The following NCR3LG1 variants were observed in gnomAD, a reference collection of about 807,000 sequenced individuals.
NCR3LG1 encodes the protein natural killer cell cytotoxicity receptor 3 ligand 1.
Under a neutral mutation model 34.8 loss-of-function variants are expected in NCR3LG1, and 35 were observed. The observed-to-expected ratio is 1.01, with a 90% CI of 0.77 to 1.33. NCR3LG1 has a LOEUF of 1.33. NCR3LG1 is among the 40% of genes most tolerant of loss of function. The pLI is 0.00. For missense variants in NCR3LG1, 452 were observed against 423.3 expected (o/e 1.07, Z -0.60); for synonymous variants, 173 against 163.6 (o/e 1.06, Z -0.44).
intron 2 of NCR3LG1, among the ~76,000 whole-genome samples, chr11:17,365,465 C>T (rs1161026730): frequency 6.6e-6 from 1 of 152,282 alleles, no homozygotes; most frequent in South Asian, 2.1e-4. Flanking sequence ...AGCCTCTGGA[C>T]TGTGGCCTTC....
chr11:17,354,545 CTTTTTTTTT>C (rs71047545), intron 1 of NCR3LG1, among the ~76,000 whole-genome samples: 8 of 70,336 alleles, frequency 1.1e-4, no homozygotes, highest in South Asian at 5.5e-4. Context: ...AATTCTTCTT[CTTTTTTTTT>C]TTTTTTTTTT....
chr11:17,380,584 C>G (rs1953508377), downstream of NCR3LG1: 1 of 152,162 alleles, frequency 6.6e-6, no homozygotes, highest in African/African-American at 2.4e-5. Flanking sequence ...CTCCTGGGCT[C>G]AAGCGATACT....
chr11:17,367,962 G>T (rs1165269338), intron 3 of NCR3LG1, among the ~76,000 whole-genome samples: 3 of 152,074 alleles, frequency 2.0e-5, no homozygotes, highest in African/African-American at 7.2e-5. Context: ...GGGACTACAG[G>T]CATGCACCAC....
In NCR3LG1 at chr11:17,372,387, T is replaced by G; in HGVS notation, c.1240T>G (p.Ser414Ala). Residue 414 changes from serine (S) to alanine (A), a missense_variant, in exon 5 of 5, where the codon TCG (serine) becomes GCG (alanine). By Grantham distance (99) the Ser-to-Ala change is moderately conservative (BLOSUM62 1). Transcript: ENST00000338965. ...TGAGAAACAAACCCCTAGGGAACAC[T>G]CGGATGCAGTTCCGGATGCCCCAAT... ...KSEKQTPREHSDAVPDAPILP... is the reference protein window; with the variant it reads ...KSEKQTPREHADAVPDAPILP... 1 of 703,126 alleles carries G rather than the reference T, an allele frequency of 1.4e-6. No individual in the cohort carries two copies. The highest frequency in any genetic ancestry group is 2.7e-5 in the East Asian group (1 of 37,286). The allele number at this position is 703,126 out of a possible 1,614,324, so 43.6% of individuals were successfully genotyped here.
chr11:17,370,252 CACTTCA>C (rs1415388272), intron 4 of NCR3LG1, among the ~76,000 whole-genome samples: 1 of 152,188 alleles, frequency 6.6e-6, no homozygotes, highest in Non-Finnish European at 1.5e-5. Context: ...ATTAAACTTT[CACTTCA>C]ACTTCATCTT....
Position 17,377,151 on chromosome 11 carries a change from T to C in NCR3LG1, c.*4639T>C, listed in dbSNP as rs1306258585. 2 of 152,060 alleles carry C rather than the reference T, an allele frequency of 1.3e-5. No individual in the cohort carries two copies. Among genetic ancestry groups the C allele is most frequent in the East Asian group, 3.9e-4 (2 of 5,188 alleles). 9.4% of individuals were successfully genotyped at this position (152,060 alleles called of 1,614,324 possible). ...CACAAGGGGGCATTATCTGAGATAT[T>C]GGCCAGGGCATATCGTGTCCCTGGT... On this transcript the variant is annotated 3_prime_UTR_variant, in exon 5 of 5. Coordinates refer to ENST00000338965, the MANE Select transcript of NCR3LG1 (RefSeq NM_001202439.3).
intron 2 of NCR3LG1, among the ~76,000 whole-genome samples, chr11:17,364,137 C>T (rs1299368731): frequency 6.6e-6 from 1 of 151,976 alleles, no homozygotes; most frequent in Non-Finnish European, 1.5e-5. Flanking sequence ...CAGTTCTTGG[C>T]TATTCTGGGG....
chr11:17,353,116 G>A (rs542620561), intron 1 of NCR3LG1, among the ~76,000 whole-genome samples: 29 of 152,304 alleles, frequency 1.9e-4, no homozygotes, highest in Admixed American at 1.8e-3. Context: ...GCTGCTTGCC[G>A]AGCAGCGTGA....
rs1316829474 is a variant in NCR3LG1 at position 17,377,100 on chromosome 11, G to GAGAC, written c.*4589_*4592dup. On this transcript the variant is annotated 3_prime_UTR_variant, in exon 5 of 5. Coordinates refer to ENST00000338965, the MANE Select transcript of NCR3LG1 (RefSeq NM_001202439.3). ...ACAAATCTGTGGGTGAACAGAACAG[G>GAGAC]AGACTTCTGGACTGACAGCCCCTGT... 6.6e-6 allele frequency: 1 copy of GAGAC among 152,130 alleles called. No homozygotes were observed. Among genetic ancestry groups the GAGAC allele is most frequent in the East Asian group, 1.9e-4 (1 of 5,188 alleles). 9.4% of individuals were successfully genotyped at this position (152,130 alleles called of 1,614,324 possible).
chr11:17,352,138 T>G, intron 1 of NCR3LG1, 99 bp downstream of exon 1: 4 of 619,580 alleles, frequency 6.5e-6, no homozygotes, highest in Non-Finnish European at 7.8e-6. Context: ...CTCAACTTCC[T>G]GGGGGCTGAG....
At chr11:17,381,251 A>G (rs1953511757), downstream of NCR3LG1, 1 of 152,302 alleles carries the variant, frequency 6.6e-6, no homozygotes, top group Non-Finnish European at 1.5e-5. Context: ...AAGGATTAGA[A>G]TGAGGGAAGT....
chr11:17,367,826 T>TTGAGATGGAG (rs1953363231), intron 3 of NCR3LG1, among the ~76,000 whole-genome samples: 1 of 151,480 alleles, frequency 6.6e-6, no homozygotes, highest in African/African-American at 2.4e-5. Context: ...CTTGTCTTTT[T>TTGAGATGGAG]TTTTTTTTTG....
chr11:17,375,147 TAACA>T lies in NCR3LG1; in HGVS notation c.*2636_*2639del, dbSNP rs1363510479. The T allele has an allele frequency of 2.6e-5, 4 of 152,216 alleles. No homozygotes were observed. Among genetic ancestry groups the T allele is most frequent in the African/African-American group, 9.7e-5 (4 of 41,444 alleles). 9.4% of individuals were successfully genotyped at this position (152,216 alleles called of 1,614,324 possible). On this transcript the variant is annotated 3_prime_UTR_variant, in exon 5 of 5. Coordinates refer to ENST00000338965, the MANE Select transcript of NCR3LG1 (RefSeq NM_001202439.3). ...CTGTCCTCTAAAGCGAGTCTCTGGC[TAACA>T]GACAGCTGCCTCCTCAAGTATCAGA...
chr11:17,359,682 T>C (rs1238885597), intron 2 of NCR3LG1, among the ~76,000 whole-genome samples: 1 of 152,054 alleles, frequency 6.6e-6, no homozygotes, highest in Non-Finnish European at 1.5e-5. Flanking sequence ...TGGCTAATTT[T>C]TGTATTTTTA....
intron 2 of NCR3LG1, among the ~76,000 whole-genome samples, chr11:17,357,771 A>G (rs971122259): frequency 2.0e-5 from 3 of 152,014 alleles, no homozygotes; most frequent in Non-Finnish European, 4.4e-5. Context: ...GCATGGCACA[A>G]TCATAGCTCA....
At position 17,363,542 on chromosome 11, in the gene NCR3LG1, C is replaced by CCCTTCCTTCCTTCCTTCCTT. The variant is rs1227232391; in HGVS notation, c.422-3459_422-3440dup. ...TCCCTCCCTCCCTCCCTCCCTCCCT[C>CCCTTCCTTCCTTCCTTCCTT]CCTTCCTTCCTTCCTTCCTTCCTTC... On this transcript the variant is annotated intron_variant, in intron 2 of 4. Coordinates refer to ENST00000338965, the MANE Select transcript of NCR3LG1 (RefSeq NM_001202439.3). Among the ~76,000 whole-genome samples, 159 of 54,654 alleles carry CCCTTCCTTCCTTCCTTCCTT rather than the reference C, an allele frequency of 2.9e-3. 4 individuals are homozygous for CCCTTCCTTCCTTCCTTCCTT. The highest frequency in any genetic ancestry group is 0.02 in the African/African-American group (143 of 7,106). 35.9% of individuals were successfully genotyped at this position (54,654 alleles called of 152,430 possible).
At chr11:17,358,823 A>AT (rs1363593444) in intron 2 of NCR3LG1, among the ~76,000 whole-genome samples, 2 of 151,996 alleles carry the variant, frequency 1.3e-5, no homozygotes, top group Non-Finnish European at 2.9e-5. Flanking sequence ...ATACTACTTT[A>AT]TTTTTTCTCA....
Position 17,367,202 on chromosome 11 carries a change from C to T in NCR3LG1, c.615C>T (p.Gly205=), listed in dbSNP as rs1418258672. 2.0e-6 allele frequency: 3 copies of T among 1,536,370 alleles called. No individual in the cohort carries two copies. In the African/African-American group the frequency reaches 4.1e-5, roughly 21 times the overall value. ...GTCCCACCATCAAGAATATGGATGG[C>T]ACATTTAATGTCACTAGCTGCTTGA... ...ITGPTIKNMD[G]TFNVTSCLKL... Residue 205 remains glycine (G), a synonymous_variant, in exon 3 of 5, where the codon GGC becomes GGT. Transcript: ENST00000338965.
At chr11:17,378,145 G>T (rs1032368074), downstream of NCR3LG1, among the ~76,000 whole-genome samples, 1 of 152,106 alleles carries the variant, frequency 6.6e-6, no homozygotes, top group Non-Finnish European at 1.5e-5. Flanking sequence ...AAACTCTTTA[G>T]CCTCAGTAGT....
Sources: allele counts gnomAD v4.1 joint callset (sites outside exome capture counted in the v4.1 genomes callset), GRCh38; gene constraint gnomAD v4.1.1; transcripts MANE v1.5; gene names NCBI Gene and HGNC (gene_info 2026-07-23, HGNC 2026-07-21).